Variants in DSCAM observed in about 807,000 individuals in gnomAD.
The protein encoded by DSCAM is DS cell adhesion molecule.
A neutral mutation model predicts 217.7 loss-of-function variants in DSCAM; 47 were observed. The ratio of observed to expected loss-of-function variants is 0.22; its 90% CI spans 0.17 to 0.28. The LOEUF (loss-of-function observed/expected upper bound fraction) is 0.28, where lower values mean the gene tolerates loss of function less well. DSCAM is among the 10% of genes least tolerant of loss of function. The pLI, the probability that DSCAM is intolerant of heterozygous loss-of-function variation, is 1.00. For missense variants in DSCAM, 2,080 were observed against 2,618.3 expected, an observed-to-expected ratio of 0.79 and a Z score of 4.49; for synonymous variants, 1,056 against 1,015.3, an observed-to-expected ratio of 1.04 and a Z score of -0.76.
intron 1 of DSCAM, among the ~76,000 whole-genome samples, chr21:40,820,454 C>T (rs983643171): frequency 3.9e-5 from 6 of 152,008 alleles, no homozygotes; most frequent in African/African-American, 1.2e-4. Context: ...ACACCAGGGC[C>T]TGTCAGGGAG....
chr21:40,598,754 C>T (rs968590455), intron 3 of DSCAM, among the ~76,000 whole-genome samples: 14 of 151,956 alleles, frequency 9.2e-5, no homozygotes, highest in East Asian at 5.8e-4. Flanking sequence ...CTGCCCACCT[C>T]GGCCTCCCAA....
At chr21:40,141,348 G>A (rs762530698) in intron 18 of DSCAM, among the ~76,000 whole-genome samples, 1 of 152,080 alleles carries the variant, frequency 6.6e-6, no homozygotes, top group Non-Finnish European at 1.5e-5. Flanking sequence ...GGCGTGGTGG[G>A]TCACGCCTGT....
Position 40,661,508 on chromosome 21 carries a change from G to C in DSCAM, c.508+31302C>G, listed in dbSNP as rs371329342. On this transcript the variant is annotated intron_variant, in intron 3 of 32. Transcript: ENST00000400454. ...TACCAGGCACAAGAATGACAGTGAGGATAAGAGAGACAACATCCCTATTTG... is the reference window on the plus strand; with the variant it reads ...TACCAGGCACAAGAATGACAGTGAGCATAAGAGAGACAACATCCCTATTTG... Among the ~76,000 whole-genome samples the C allele has an allele frequency of 2.0e-5, 3 of 152,268 alleles. No homozygotes were observed. In the East Asian group the frequency reaches 5.8e-4, roughly 29 times the overall value.
At chr21:40,522,377 T>C (rs998896876) in intron 3 of DSCAM, among the ~76,000 whole-genome samples, 7 of 152,206 alleles carry the variant, frequency 4.6e-5, no homozygotes, top group African/African-American at 1.4e-4. Flanking sequence ...TTCATTTTGC[T>C]CAACAGGAAA....
intron 3 of DSCAM, among the ~76,000 whole-genome samples, chr21:40,482,186 T>C (rs2075988957): frequency 6.6e-6 from 1 of 152,266 alleles, no homozygotes; most frequent in African/African-American, 2.4e-5. Flanking sequence ...CCAGTCTTTT[T>C]ATTCACATAA....
intron 11 of DSCAM, among the ~76,000 whole-genome samples, chr21:40,250,284 T>C (rs2073284566): frequency 6.6e-6 from 1 of 152,138 alleles, no homozygotes; most frequent in Non-Finnish European, 1.5e-5. Flanking sequence ...TGGTAAGGAA[T>C]TTTGGTGTTT....
chr21:40,568,494 T>C (rs935922714), intron 3 of DSCAM, among the ~76,000 whole-genome samples: 1 of 152,150 alleles, frequency 6.6e-6, no homozygotes. Context: ...CTCCAGGCTG[T>C]ACATTCAAGG....
chr21:40,138,279 T>C (rs565210857), intron 18 of DSCAM, among the ~76,000 whole-genome samples: 41 of 148,472 alleles, frequency 2.8e-4, no homozygotes, highest in African/African-American at 9.9e-4. Context: ...GCGATGTGCA[T>C]GGTGTGTGTG....
rs2074570850 is a variant in DSCAM at position 40,347,450 on chromosome 21, GTTACT to G, written c.1210+215_1210+219del. On this transcript the variant is annotated intron_variant, in intron 6 of 32. Transcript: ENST00000400454. ...TAATGCACAAGTGGGCAACATTTAT[GTTACT>G]TTACATTACTTCTAATATGAAACAA... Among the ~76,000 whole-genome samples, 2 of 152,178 alleles carry G rather than the reference GTTACT, an allele frequency of 1.3e-5. 1 individual carries two copies. The highest frequency in any genetic ancestry group is 4.1e-4 in the South Asian group (2 of 4,828).
chr21:40,586,088 C>T (rs776177112), intron 3 of DSCAM, among the ~76,000 whole-genome samples: 27 of 152,184 alleles, frequency 1.8e-4, no homozygotes, highest in Non-Finnish European at 3.8e-4. Flanking sequence ...AACTCCTGAC[C>T]TCAAATGATC....
At chr21:40,629,155 T>C (rs2089653307) in intron 3 of DSCAM, among the ~76,000 whole-genome samples, 1 of 151,986 alleles carries the variant, frequency 6.6e-6, no homozygotes, top group East Asian at 1.9e-4. Flanking sequence ...TTAGGATGTT[T>C]ACTCTACTTC....
intron 3 of DSCAM, among the ~76,000 whole-genome samples, chr21:40,637,086 A>T (rs184536897): frequency 7.8e-6 from 1 of 128,394 alleles, no homozygotes; most frequent in Non-Finnish European, 1.6e-5. Context: ...TTTTTCAAAA[A>T]TAGAAGGAGG....
chr21:40,556,026 G>A lies in DSCAM; in HGVS notation c.508+136784C>T, dbSNP rs146489022. Among the ~76,000 whole-genome samples the A allele has an allele frequency of 2.4e-3, 360 of 152,224 alleles. 1 individual carries two copies. The highest frequency in any genetic ancestry group is 4.2e-3 in the Non-Finnish European group (285 of 68,010). On this transcript the variant is annotated intron_variant, in intron 3 of 32. Coordinates refer to ENST00000400454, the MANE Select transcript of DSCAM (RefSeq NM_001389.5). ...CTGTTAAATGTTCCAGAAAAATTCT[G>A]TCAGTAAGAAAAATAGAGTGTATAG...
At chr21:40,306,388 A>G (rs1252197763) in intron 9 of DSCAM, among the ~76,000 whole-genome samples, 5 of 151,414 alleles carry the variant, frequency 3.3e-5, no homozygotes, top group Non-Finnish European at 7.4e-5. Flanking sequence ...TCATCTGCAA[A>G]CAGGGACAAT....
chr21:40,372,937 G>A (rs993994279), intron 3 of DSCAM, among the ~76,000 whole-genome samples: 1 of 152,150 alleles, frequency 6.6e-6, no homozygotes, highest in Non-Finnish European at 1.5e-5. Context: ...TTAGCATAGG[G>A]GCCAGTGGGA....
chr21:40,275,045 C>T (rs190623963), intron 11 of DSCAM, among the ~76,000 whole-genome samples: 1 of 152,102 alleles, frequency 6.6e-6, no homozygotes, highest in East Asian at 1.9e-4. Flanking sequence ...AATCCAAGGG[C>T]CAGGCATAGT....
intron 11 of DSCAM, among the ~76,000 whole-genome samples, chr21:40,205,791 C>T (rs1010501373): frequency 2.6e-5 from 4 of 152,020 alleles, no homozygotes; most frequent in African/African-American, 9.7e-5. Context: ...ACATATAAAA[C>T]AGGCATATAA....
chr21:40,189,815 G>T (rs777372537), intron 11 of DSCAM, among the ~76,000 whole-genome samples: 68 of 152,182 alleles, frequency 4.5e-4, no homozygotes, highest in Admixed American at 1.0e-3. Context: ...CAGCCACATG[G>T]AACTGTAAGT....
intron 3 of DSCAM, among the ~76,000 whole-genome samples, chr21:40,519,835 A>ACT (rs140191515): frequency 0.08 from 11,329 of 141,054 alleles, 660 homozygotes; most frequent in African/African-American, 0.18. Flanking sequence ...TGTCTCTCTC[A>ACT]CTCTCTCTCT....
Sources: gnomAD v4.1 joint callset for allele counts (sites outside exome capture counted in the v4.1 genomes callset) on GRCh38, gnomAD v4.1.1 for gene constraint, MANE v1.5 for transcripts, NCBI Gene and HGNC (gene_info 2026-07-23, HGNC 2026-07-21) for gene names.